Variants in SPACA7 observed in about 807,000 individuals in gnomAD.
SPACA7 encodes sperm acrosome associated 7.
SPACA7 carries 19 observed loss-of-function variants against 26.3 expected under a neutral mutation model. The ratio of observed to expected loss-of-function variants is 0.72; its 90% CI spans 0.50 to 1.06. SPACA7 has a LOEUF of 1.06. Ranked by LOEUF, SPACA7 falls within the 50% of genes least tolerant of loss-of-function variation. The probability of loss-of-function intolerance (pLI) is 0.00; values close to 1 mark genes in which losing one functional copy is unlikely to be tolerated. For missense variants in SPACA7, 211 were observed against 229.9 expected (o/e 0.92, Z 0.53); for synonymous variants, 84 against 84.5 (o/e 0.99, Z 0.04).
At chr13:112,416,838 AC>A (rs1256659340) in intron 5 of SPACA7, among the ~76,000 whole-genome samples, 1 of 106,694 alleles carries the variant, frequency 9.4e-6, no homozygotes, top group Non-Finnish European at 2.3e-5. Context: ...GTGTGTATCC[AC>A]CTTCACCATC....
chr13:112,399,796 T>G (rs555854788), intron 4 of SPACA7, among the ~76,000 whole-genome samples: 1 of 152,194 alleles, frequency 6.6e-6, no homozygotes, highest in Non-Finnish European at 1.5e-5. Flanking sequence ...GAGGTTTAAT[T>G]TGTTCATGGT....
At chr13:112,392,918 T>C in intron 1 of SPACA7, 103 bp from the exon 2 acceptor site, 1 of 909,920 alleles carries the variant, frequency 1.1e-6, no homozygotes, top group Non-Finnish European at 1.7e-6. Context: ...CTCCTTCCTC[T>C]AGAGGGGGCT....
At chr13:112,382,349 C>A in intron 1 of SPACA7, 1 of 1,429,942 alleles carries the variant, frequency 7.0e-7, no homozygotes, top group South Asian at 1.4e-5. Flanking sequence ...CCGCCCGCCT[C>A]AGCCTCCCAA....
At chr13:112,413,923 TGGTTGG>T (rs1886513624) in intron 5 of SPACA7, among the ~76,000 whole-genome samples, 1 of 152,192 alleles carries the variant, frequency 6.6e-6, no homozygotes, top group East Asian at 1.9e-4. Flanking sequence ...CATCTGCCTC[TGGTTGG>T]GGCCTCAGGG....
chr13:112,419,890 G>T (rs1411161195), intron 5 of SPACA7, among the ~76,000 whole-genome samples: 1 of 152,250 alleles, frequency 6.6e-6, no homozygotes, highest in African/African-American at 2.4e-5. Flanking sequence ...GCTCTGCCGT[G>T]CAGGTGTTCA....
At chr13:112,426,580 G>A (rs558472005) in intron 5 of SPACA7, among the ~76,000 whole-genome samples, 7 of 152,160 alleles carry the variant, frequency 4.6e-5, no homozygotes, top group South Asian at 2.1e-4. Context: ...TTCACTTTTC[G>A]TAGTTTTTAG....
chr13:112,400,129 C>T (rs1885541703), intron 4 of SPACA7, among the ~76,000 whole-genome samples: 1 of 152,182 alleles, frequency 6.6e-6, no homozygotes, highest in Middle Eastern at 3.4e-3. Context: ...TGTGGTGTTC[C>T]CCACACACAG....
At chr13:112,392,397 C>G (rs1460825768) in intron 1 of SPACA7, among the ~76,000 whole-genome samples, 1 of 152,156 alleles carries the variant, frequency 6.6e-6, no homozygotes, top group Non-Finnish European at 1.5e-5. Context: ...ATGACCCCAC[C>G]TCTTATCTGC....
intron 1 of SPACA7, among the ~76,000 whole-genome samples, 179 bp from the exon 2 acceptor site, chr13:112,392,842 A>G (rs1029474268): frequency 9.2e-5 from 14 of 152,196 alleles, no homozygotes; most frequent in African/African-American, 3.4e-4. Flanking sequence ...AAGAAAGCCA[A>G]GTCCCAGAGA....
At chr13:112,404,846 A>G (rs1410375917) in intron 5 of SPACA7, among the ~76,000 whole-genome samples, 2 of 152,114 alleles carry the variant, frequency 1.3e-5, no homozygotes, top group African/African-American at 2.4e-5. Context: ...AAAGTCAGAT[A>G]ATGTGATGCC....
chr13:112,412,605 T>G (rs1441944552), intron 5 of SPACA7, among the ~76,000 whole-genome samples: 2 of 151,852 alleles, frequency 1.3e-5, no homozygotes, highest in African/African-American at 2.4e-5. Flanking sequence ...ATTTAAGTCT[T>G]TAACCCATTT....
chr13:112,433,617 C>T lies in SPACA7; in HGVS notation c.524-868C>T, dbSNP rs919452021. Among the ~76,000 whole-genome samples the T allele has an allele frequency of 2.5e-4, 37 of 149,546 alleles. 5 individuals carry two copies. Among genetic ancestry groups the T allele is most frequent in the Admixed American group, 1.0e-3 (15 of 14,920 alleles). On this transcript the variant is annotated intron_variant, in intron 6 of 6. Transcript: ENST00000283550. Reference sequence around the variant, plus strand: ...TGCCGAAGAGGACGGTCCCGGGAAACGTCGCTGGAGACGACCTCCCTGCTG... The same window carrying T: ...TGCCGAAGAGGACGGTCCCGGGAAATGTCGCTGGAGACGACCTCCCTGCTG...
intron 3 of SPACA7, 40 bp downstream of exon 3, chr13:112,398,178 A>G (rs1566466975): frequency 1.4e-6 from 2 of 1,437,898 alleles, no homozygotes; most frequent in East Asian, 4.5e-5. Context: ...TAACCCTCTA[A>G]TTGCCCTTAT....
intron 5 of SPACA7, among the ~76,000 whole-genome samples, chr13:112,410,238 GA>G (rs1444044306): frequency 1.3e-4 from 20 of 152,020 alleles, no homozygotes; most frequent in African/African-American, 4.6e-4. Context: ...ATGGGGGAGG[GA>G]TAGCATTAGG....
At chr13:112,393,832 A>G (rs28715609) in intron 2 of SPACA7, among the ~76,000 whole-genome samples, 19,790 of 152,052 alleles carry the variant, frequency 0.13, 3,208 homozygotes, top group African/African-American at 0.37. Context: ...CTAAAAATAC[A>G]AAAATTAGCT....
At chr13:112,423,121 G>A (rs139811139) in intron 5 of SPACA7, among the ~76,000 whole-genome samples, 69 of 152,216 alleles carry the variant, frequency 4.5e-4, no homozygotes, top group African/African-American at 1.5e-3. Flanking sequence ...TTCCAAAGTC[G>A]ATATACTCAA....
intron 1 of SPACA7, among the ~76,000 whole-genome samples, chr13:112,383,641 A>G (rs1218576626): frequency 6.6e-6 from 1 of 152,222 alleles, no homozygotes; most frequent in East Asian, 1.9e-4. Flanking sequence ...AGGTCCCAAG[A>G]TATCTTGCAG....
intron 5 of SPACA7, among the ~76,000 whole-genome samples, chr13:112,402,724 C>G (rs9324297): frequency 0.095 from 14,455 of 152,154 alleles, 1,570 homozygotes; most frequent in East Asian, 0.28. Context: ...TATGTTTTGT[C>G]AAAGTCTTTT....
At chr13:112,406,554 G>A (rs1354868596) in intron 5 of SPACA7, among the ~76,000 whole-genome samples, 1 of 152,092 alleles carries the variant, frequency 6.6e-6, no homozygotes, top group Non-Finnish European at 1.5e-5. Flanking sequence ...CAAGGGACTT[G>A]AATAGAGATT....
Sources: gnomAD v4.1 joint callset for allele counts (sites outside exome capture counted in the v4.1 genomes callset) on GRCh38, gnomAD v4.1.1 for gene constraint, MANE v1.5 for transcripts, NCBI Gene and HGNC (gene_info 2026-07-23, HGNC 2026-07-21) for gene names.